The following DYSF variants were observed in gnomAD, a reference collection of about 807,000 sequenced individuals.
DYSF encodes the protein dysferlin, also known as dystrophy-associated fer-1-like 1.
In DYSF, 212 loss-of-function variants were observed where a neutral mutation model predicts 274.9. The ratio of observed to expected loss-of-function variants is 0.77; its 90% confidence interval spans 0.69 to 0.86. DYSF has a LOEUF of 0.86. DYSF is among the 40% of genes least tolerant of loss of function. DYSF has a pLI of 0.00. For missense variants in DYSF, 2,666 were observed against 2,783.2 expected (o/e 0.96, Z 0.95); for synonymous variants, 1,091 against 1,078.7 (o/e 1.01, Z -0.22).
chr2:71,633,596 T>A (rs1267092935), intron 41 of DYSF, among the ~76,000 whole-genome samples: 1 of 152,188 alleles, frequency 6.6e-6, no homozygotes, highest in Non-Finnish European at 1.5e-5. Context: ...ATGATGATGA[T>A]TTGTACTAAG....
At chr2:71,483,349 G>A (rs1354676838) in intron 3 of DYSF, among the ~76,000 whole-genome samples, 2 of 152,208 alleles carry the variant, frequency 1.3e-5, no homozygotes, top group African/African-American at 4.8e-5. Flanking sequence ...AAGCATGAAT[G>A]GTGGACCCGC....
At chr2:71,656,367 C>G in intron 43 of DYSF, 77 bp downstream of exon 43, 1 of 1,596,166 alleles carries the variant, frequency 6.3e-7, no homozygotes, top group Non-Finnish European at 8.6e-7. Flanking sequence ...GGGGAGGGGT[C>G]GTACCTACAC....
At chr2:71,484,076 G>A (rs773499346) in intron 3 of DYSF, among the ~76,000 whole-genome samples, 247 of 106,816 alleles carry the variant, frequency 2.3e-3, no homozygotes, top group African/African-American at 6.1e-3. Flanking sequence ...TTTTTGAGAC[G>A]AAGTCTTGCT....
chr2:71,572,252 C>T (rs1264651143), intron 29 of DYSF, among the ~76,000 whole-genome samples: 1 of 32,942 alleles, frequency 3.0e-5, no homozygotes, highest in African/African-American at 8.2e-5. Context: ...ACACCTAGCA[C>T]ACCCACAGAT....
At chr2:71,540,837 CT>C in intron 17 of DYSF, among the ~76,000 whole-genome samples, 1 of 151,990 alleles carries the variant, frequency 6.6e-6, no homozygotes, top group Admixed American at 6.5e-5. Context: ...GTAAATAATT[CT>C]TGTTGGCTTT....
At chr2:71,473,369 G>A (rs570328200) in intron 1 of DYSF, among the ~76,000 whole-genome samples, 9 of 152,128 alleles carry the variant, frequency 5.9e-5, no homozygotes, top group Non-Finnish European at 1.0e-4. Context: ...TATTCTAATG[G>A]GGCCGTCAAG....
At chr2:71,679,964 G>T (rs2095275936) in intron 53 of DYSF, among the ~76,000 whole-genome samples, 1 of 152,174 alleles carries the variant, frequency 6.6e-6, no homozygotes, top group Non-Finnish European at 1.5e-5. Context: ...GAGGAGATAT[G>T]TTCCAAGACC....
rs2092629520 is a variant in DYSF at position 71,574,355 on chromosome 2, C to T, written c.3386C>T (p.Ala1129Val). 6.2e-7 allele frequency: 1 copy of T among 1,613,704 alleles called. No individual in the cohort carries two copies. Among genetic ancestry groups the T allele is most frequent in the Non-Finnish European group, 8.5e-7 (1 of 1,179,704 alleles). Residue 1129 changes from alanine (A) to valine (V), a missense_variant, in exon 30 of 56, where the codon GCC becomes GTC. Ala to Val is a moderately conservative substitution (Grantham distance 64). Around this residue, in one of 3 missense-constraint regions of DYSF, gnomAD observed 1,460 missense variants for 1,502.1 expected, o/e 0.97. Transcript: ENST00000410020. ...LEKTGPAAVF[A>V]LEGALGGVMD... ...AAGACGGGGCCTGCAGCTGTGTTTGCCCTTGAGGGGGCCCTGGTATGTGGG... is the reference window on the plus strand; with the variant it reads ...AAGACGGGGCCTGCAGCTGTGTTTGTCCTTGAGGGGGCCCTGGTATGTGGG...
chr2:71,535,444 G>T, intron 16 of DYSF, 133 bp downstream of exon 16: 1 of 970,008 alleles, frequency 1.0e-6, no homozygotes, highest in Admixed American at 1.8e-5. Context: ...GTCCCCTTGG[G>T]GTAGCCAGGG....
chr2:71,686,110 C>T (rs555687842), intron 55 of DYSF, among the ~76,000 whole-genome samples: 1 of 152,290 alleles, frequency 6.6e-6, no homozygotes, highest in African/African-American at 2.4e-5. Context: ...GGGCAGTCAG[C>T]TGGAACCTGG....
intron 16 of DYSF, among the ~76,000 whole-genome samples, chr2:71,537,882 C>T (rs2089547722): frequency 6.6e-6 from 1 of 152,116 alleles, no homozygotes; most frequent in Non-Finnish European, 1.5e-5. Context: ...GGGAAATTAC[C>T]CAGGAGGAAC....
At chr2:71,549,891 C>G (rs1020848795) in intron 17 of DYSF, among the ~76,000 whole-genome samples, 4 of 152,210 alleles carry the variant, frequency 2.6e-5, no homozygotes, top group African/African-American at 2.4e-5. Context: ...AGTGCCCTGT[C>G]TGTGCTGGGG....
chr2:71,572,245 C>CCAGCACAGATCACAT (rs1559194338), intron 29 of DYSF, among the ~76,000 whole-genome samples: 3 of 20,324 alleles, frequency 1.5e-4, no homozygotes, highest in Non-Finnish European at 5.3e-4. Flanking sequence ...ACAGATCACA[C>CCAGCACAGATCACAT]CTAGCACACC....
intron 29 of DYSF, among the ~76,000 whole-genome samples, chr2:71,573,528 G>T (rs2092595026): frequency 6.6e-6 from 1 of 152,168 alleles, no homozygotes. Flanking sequence ...GAGGTACAGG[G>T]GTGCCTCCAT....
chr2:71,562,045 G>A lies in DYSF; in HGVS notation c.2409+101G>A, dbSNP rs536007946. 3.9e-4 allele frequency: 585 copies of A among 1,485,790 alleles called. 1 individual carries two copies. The highest frequency in any genetic ancestry group is 5.0e-4 in the Non-Finnish European group (545 of 1,095,302). 92.0% of individuals were successfully genotyped at this position (1,485,790 alleles called of 1,614,324 possible). The stretch of plus-strand genomic sequence containing the variant: ...GAATGTCTGGATTATTACCCACCCC[G>A]GTTCCATTGCTGGGTGACCTTGGGC... On this transcript the variant is annotated intron_variant, in intron 23 of 55. Transcript: ENST00000410020.
Position 71,600,775 on chromosome 2 carries a change from C to T in DYSF, c.3830C>T (p.Pro1277Leu). The change falls in exon 34 of 56, where the codon CCA becomes CTA. Residue 1277 changes from proline (P) to leucine (L), a missense_variant. Physicochemically the swap from Pro to Leu is moderately conservative, Grantham distance 98. This residue lies in a region of DYSF where 1,460 missense variants were observed against 1,502.1 expected (regional missense o/e 0.97). Coordinates refer to ENST00000410020, the MANE Select transcript of DYSF (RefSeq NM_001130987.2). ...CGGATGCCACGGCTGGCCTGGTTCC[C>T]ACTGACGAGGGGCAGCCAGCCGTCG... The part of the protein sequence containing the change: ...LERMPRLAWF[P>L]LTRGSQPSGE... 6.2e-7 allele frequency: 1 copy of T among 1,613,622 alleles called. No individual in the cohort carries two copies. Among genetic ancestry groups the T allele is most frequent in the East Asian group, 2.2e-5 (1 of 44,858 alleles).
At chr2:71,606,533 G>A (rs971114757) in intron 36 of DYSF, among the ~76,000 whole-genome samples, 1 of 152,082 alleles carries the variant, frequency 6.6e-6, no homozygotes, top group Non-Finnish European at 1.5e-5. Context: ...TACTGTCCTG[G>A]AGAGGGGGTG....
At chr2:71,490,509 T>G (rs563651270) in intron 3 of DYSF, among the ~76,000 whole-genome samples, 1 of 152,242 alleles carries the variant, frequency 6.6e-6, no homozygotes, top group Admixed American at 6.5e-5. Context: ...CCAGCTGATT[T>G]TTGTATTTGT....
intron 12 of DYSF, among the ~76,000 whole-genome samples, chr2:71,525,711 TAGTC>T (rs59498960): frequency 0.46 from 70,016 of 151,634 alleles, 16,837 homozygotes; most frequent in Non-Finnish European, 0.52. Context: ...CCCTGCATGA[TAGTC>T]AGCTCCATGG....
Sources: gnomAD v4.1 joint callset for allele counts (sites outside exome capture counted in the v4.1 genomes callset) on GRCh38, gnomAD v4.1.1 for gene constraint, gnomAD v4.1.1 regional missense constraint, MANE v1.5 for transcripts, NCBI Gene and HGNC (gene_info 2026-07-23, HGNC 2026-07-21) for gene names.